The following ATP10B variants were observed in gnomAD, a reference collection of about 807,000 sequenced individuals.
The protein encoded by ATP10B is phospholipid-transporting ATPase VB.
In ATP10B, 122 loss-of-function variants were observed where a neutral mutation model predicts 141.2. The ratio of observed to expected loss-of-function variants is 0.86; its 90% confidence interval spans 0.75 to 1.00. The LOEUF (loss-of-function observed/expected upper bound fraction) is 1.00, where lower values mean the gene tolerates loss of function less well. ATP10B is among the 50% of genes least tolerant of loss of function. The pLI is 0.00. For synonymous variants in ATP10B, 685 were observed against 692.0 expected (o/e 0.99, Z 0.16); for missense variants, 1,876 against 1,825.3 (o/e 1.03, Z -0.51).
At chr5:160,685,000 G>A (rs200659997) in intron 6 of ATP10B, 47 of 703,364 alleles carry the variant, frequency 6.7e-5, no homozygotes, top group South Asian at 4.7e-4. Flanking sequence ...ATTCAGAACC[G>A]CAATGCCCAC....
At chr5:160,703,862 G>A (rs141576558) in intron 3 of ATP10B, among the ~76,000 whole-genome samples, 192 of 152,204 alleles carry the variant, frequency 1.3e-3, no homozygotes, top group Middle Eastern at 6.8e-3. Flanking sequence ...TTGAGATTAC[G>A]CCTTCATCCA....
At chr5:160,823,036 A>ATATATATATATAT (rs1554121579) in intron 1 of ATP10B, among the ~76,000 whole-genome samples, 4 of 125,816 alleles carry the variant, frequency 3.2e-5, no homozygotes, top group Admixed American at 8.2e-5. Flanking sequence ...ATATATATAT[A>ATATATATATATAT]AAATAAAGAG....
the ATP10B span, among the ~76,000 whole-genome samples, chr5:160,924,209 G>A: frequency 6.6e-6 from 1 of 152,196 alleles, no homozygotes; most frequent in African/African-American, 2.4e-5. Context: ...ACCTCTGTGA[G>A]CCCCATTCAG....
At chr5:160,639,423 G>T (rs1321211409) in intron 10 of ATP10B, among the ~76,000 whole-genome samples, 2 of 152,166 alleles carry the variant, frequency 1.3e-5, no homozygotes, top group African/African-American at 4.8e-5. Context: ...ATGAAGGTGG[G>T]CCCAATGATG....
Position 160,596,840 on chromosome 5 carries a change from C to T in ATP10B, c.3564+1930G>A, listed in dbSNP as rs960886857. On this transcript the variant is annotated intron_variant, in intron 22 of 25. Transcript: ENST00000327245. Reference sequence around the variant, plus strand: ...ACCTAGGAATCCAACTTACAAGGGACGTGAAGGACCTCTTCAAAGAGAACT... The same window carrying T: ...ACCTAGGAATCCAACTTACAAGGGATGTGAAGGACCTCTTCAAAGAGAACT... 4.8e-3 allele frequency among the ~76,000 whole-genome samples: 731 copies of T among 152,128 alleles called. 2 individuals are homozygous for T. The highest frequency in any genetic ancestry group is 7.1e-3 in the Non-Finnish European group (484 of 67,986).
At chr5:160,601,707 T>C (rs1403102163) in intron 21 of ATP10B, among the ~76,000 whole-genome samples, 3 of 152,226 alleles carry the variant, frequency 2.0e-5, no homozygotes. Context: ...AGTTTCCCCA[T>C]ATTATTGATG....
At chr5:160,873,653 G>C in the ATP10B span, among the ~76,000 whole-genome samples, 2 of 152,232 alleles carry the variant, frequency 1.3e-5, no homozygotes, top group Admixed American at 6.5e-5. Flanking sequence ...GTGCCAGACA[G>C]TGGACGCAGG....
intron 12 of ATP10B, chr5:160,632,628 T>G: frequency 3.1e-6 from 1 of 320,810 alleles, no homozygotes; most frequent in Non-Finnish European, 5.7e-6. Flanking sequence ...AGGTTTTTTT[T>G]TTTTTTTTTT....
intron 22 of ATP10B, among the ~76,000 whole-genome samples, chr5:160,597,398 G>T (rs1285211784): frequency 6.6e-6 from 1 of 152,106 alleles, no homozygotes; most frequent in African/African-American, 2.4e-5. Context: ...ATTAATTCAA[G>T]ATGGATTAAA....
the ATP10B span, among the ~76,000 whole-genome samples, chr5:160,895,309 A>AT: frequency 6.6e-6 from 1 of 152,188 alleles, no homozygotes; most frequent in Non-Finnish European, 1.5e-5. Context: ...CAGGAGACCC[A>AT]TCTCACCTGC....
the ATP10B span, among the ~76,000 whole-genome samples, chr5:160,924,655 G>T: frequency 2.0e-5 from 3 of 152,280 alleles, no homozygotes; most frequent in South Asian, 4.1e-4. Context: ...ATATCCAACT[G>T]GCTATCATGG....
chr5:160,587,128 T>C (rs905858814), intron 24 of ATP10B, among the ~76,000 whole-genome samples: 1 of 151,656 alleles, frequency 6.6e-6, no homozygotes, highest in South Asian at 2.1e-4. Context: ...AATTTTTGTA[T>C]AAGGTGTTAA....
chr5:160,751,821 G>A (rs4921319), intron 2 of ATP10B, among the ~76,000 whole-genome samples: 34,369 of 152,106 alleles, frequency 0.23, 4,448 homozygotes, highest in East Asian at 0.43. Context: ...GGATGTGTGC[G>A]TGTTTGTGGT....
In ATP10B at chr5:160,636,266, G is replaced by A. The variant is rs541851085; in HGVS notation, c.1044C>T (p.Phe348=). 3.7e-6 allele frequency: 6 copies of A among 1,613,582 alleles called. No homozygotes were observed. The highest frequency in any genetic ancestry group is 1.7e-4 in the Middle Eastern group (1 of 6,058). ...AGCTGCCATTGGCATCTGGCACATC[G>A]AAGGGAGGGTGTTCTTCAAAGGTCC... is the stretch of plus-strand genomic sequence containing the variant. ...WNGTFEEHPP[F]DVPDANGSFL... is the part of the protein sequence containing the mutation. The change falls in exon 11 of 26, where the codon TTC becomes TTT. Residue 348 remains phenylalanine (F), a synonymous_variant. Coordinates refer to ENST00000327245, the MANE Select transcript of ATP10B (RefSeq NM_025153.3).
chr5:160,684,372 T>G (rs1337513509), intron 6 of ATP10B, among the ~76,000 whole-genome samples: 1 of 152,210 alleles, frequency 6.6e-6, no homozygotes, highest in Non-Finnish European at 1.5e-5. Context: ...TTTCAGAGGT[T>G]ATATTGCTTG....
At chr5:160,619,939 T>C (rs1178978893) in intron 15 of ATP10B, among the ~76,000 whole-genome samples, 1 of 152,228 alleles carries the variant, frequency 6.6e-6, no homozygotes, top group African/African-American at 2.4e-5. Context: ...ATGTTACCTC[T>C]TGTAAGTCAC....
chr5:160,866,198 G>A, the ATP10B span, among the ~76,000 whole-genome samples: 7 of 152,142 alleles, frequency 4.6e-5, no homozygotes, highest in East Asian at 7.8e-4. Flanking sequence ...AGAAAATGTG[G>A]TATATATACA....
chr5:160,923,642 C>T, the ATP10B span, among the ~76,000 whole-genome samples: 22 of 152,180 alleles, frequency 1.4e-4, no homozygotes, highest in Admixed American at 7.9e-4. Context: ...CTTTACGCAC[C>T]TTCCTGATAA....
At chr5:160,868,331 ATTCT>A in the ATP10B span, among the ~76,000 whole-genome samples, 1 of 151,796 alleles carries the variant, frequency 6.6e-6, no homozygotes, top group African/African-American at 2.4e-5. Flanking sequence ...CATCCCTTTG[ATTCT>A]TTCTCTCTCA....
Sources: allele counts gnomAD v4.1 joint callset (sites outside exome capture counted in the v4.1 genomes callset), GRCh38; gene constraint gnomAD v4.1.1; transcripts MANE v1.5; gene names NCBI Gene and HGNC (gene_info 2026-07-23, HGNC 2026-07-21).